Variants in CNTN5 observed in about 807,000 individuals in gnomAD.
CNTN5 encodes contactin 5.
Under a neutral mutation model 129.1 loss-of-function variants are expected in CNTN5, and 77 were observed. That is an observed-to-expected ratio of 0.60 (90% CI 0.50 to 0.72). The LOEUF is 0.72. CNTN5 is among the 30% of genes least tolerant of loss of function. The pLI is 0.00. For missense variants in CNTN5, 1,478 were observed against 1,328.8 expected, an observed-to-expected ratio of 1.11 and a Z score of -1.75; for synonymous variants, 509 against 465.6, an observed-to-expected ratio of 1.09 and a Z score of -1.20.
intron 2 of CNTN5, among the ~76,000 whole-genome samples, chr11:99,493,646 G>A (rs1052536354): frequency 6.6e-6 from 1 of 152,310 alleles, no homozygotes; most frequent in East Asian, 1.9e-4. Flanking sequence ...AATATGATAT[G>A]AGTAAAATTA....
At chr11:99,128,557 G>A (rs12277406) in intron 1 of CNTN5, among the ~76,000 whole-genome samples, 18,211 of 152,150 alleles carry the variant, frequency 0.12, 1,207 homozygotes, top group Non-Finnish European at 0.16. Context: ...AATCTTTCCC[G>A]TCTGCTGGCC....
At chr11:99,164,135 G>A (rs1385520219) in intron 1 of CNTN5, among the ~76,000 whole-genome samples, 1 of 151,976 alleles carries the variant, frequency 6.6e-6, no homozygotes, top group Admixed American at 6.6e-5. Flanking sequence ...AGACCAGCCT[G>A]GCCAACATGG....
chr11:100,271,554 C>CA (rs1156947976), intron 18 of CNTN5, among the ~76,000 whole-genome samples: 3 of 151,852 alleles, frequency 2.0e-5, no homozygotes, highest in African/African-American at 7.2e-5. Context: ...TTCAATATAG[C>CA]ATACACTTAA....
intron 2 of CNTN5, among the ~76,000 whole-genome samples, chr11:99,541,094 A>G (rs1948089917): frequency 6.6e-6 from 1 of 152,148 alleles, no homozygotes; most frequent in African/African-American, 2.4e-5. Context: ...ACCCTATATG[A>G]AGAATCGTAA....
intron 21 of CNTN5, among the ~76,000 whole-genome samples, chr11:100,312,857 AAGAT>A (rs1307385356): frequency 2.0e-5 from 3 of 152,184 alleles, no homozygotes; most frequent in Middle Eastern, 3.4e-3. Flanking sequence ...GAACATCAAT[AAGAT>A]AGATAAGGTT....
intron 9 of CNTN5, among the ~76,000 whole-genome samples, chr11:100,044,271 A>G (rs533097055): frequency 2.0e-5 from 3 of 152,062 alleles, no homozygotes; most frequent in Non-Finnish European, 4.4e-5. Context: ...GTTATTGTCA[A>G]CAGTCCCGTG....
chr11:99,071,183 A>G (rs1215539943), intron 1 of CNTN5, among the ~76,000 whole-genome samples: 1 of 152,188 alleles, frequency 6.6e-6, no homozygotes, highest in African/African-American at 2.4e-5. Flanking sequence ...AGGCTCAAAG[A>G]ACATAAAATA....
chr11:99,467,362 A>G (rs1269293420), intron 2 of CNTN5, among the ~76,000 whole-genome samples: 1 of 152,094 alleles, frequency 6.6e-6, no homozygotes, highest in Non-Finnish European at 1.5e-5. Context: ...TTTGGAATTT[A>G]CCCTTATACA....
intron 13 of CNTN5, among the ~76,000 whole-genome samples, chr11:100,168,075 C>T (rs1190672591): frequency 1.3e-5 from 2 of 151,772 alleles, no homozygotes; most frequent in East Asian, 3.9e-4. Context: ...TAAAGTTTGA[C>T]AGAGGTGAGG....
intron 6 of CNTN5, among the ~76,000 whole-genome samples, chr11:99,898,053 ACCT>A (rs1402153656): frequency 6.6e-6 from 1 of 152,076 alleles, no homozygotes; most frequent in Non-Finnish European, 1.5e-5. Context: ...AACATACAAA[ACCT>A]CCTGAATACA....
chr11:99,037,576 CTTTTTTTTTT>C (rs1161467398), intron 1 of CNTN5, among the ~76,000 whole-genome samples: 1 of 105,670 alleles, frequency 9.5e-6, no homozygotes, highest in East Asian at 2.7e-4. Context: ...TTTTTCTTTT[CTTTTTTTTTT>C]TTTTTTTTTT....
At chr11:99,720,128 C>G (rs1384202283) in intron 3 of CNTN5, among the ~76,000 whole-genome samples, 1 of 152,098 alleles carries the variant, frequency 6.6e-6, no homozygotes, top group East Asian at 1.9e-4. Flanking sequence ...ACTATAGAAA[C>G]TATTTCAAAA....
intron 6 of CNTN5, among the ~76,000 whole-genome samples, chr11:99,912,400 A>G (rs191788353): frequency 1.3e-5 from 2 of 152,148 alleles, no homozygotes; most frequent in East Asian, 1.9e-4. Context: ...CCTGTGAGCT[A>G]TGAAAAGTTG....
intron 6 of CNTN5, among the ~76,000 whole-genome samples, chr11:99,897,101 C>A (rs1259402835): frequency 9.2e-5 from 14 of 151,858 alleles, no homozygotes; most frequent in African/African-American, 3.4e-4. Context: ...CTAGCCCAGT[C>A]AGTTGCAAAT....
chr11:100,156,213 C>T (rs969430698), intron 13 of CNTN5, among the ~76,000 whole-genome samples: 3 of 151,866 alleles, frequency 2.0e-5, no homozygotes, highest in Admixed American at 6.6e-5. Context: ...TAGCATGAAG[C>T]GGTGTTGAAT....
chr11:99,967,392 A>T lies in CNTN5; in HGVS notation c.877+10383A>T, dbSNP rs149803537. 1.1e-3 allele frequency among the ~76,000 whole-genome samples: 168 copies of T among 152,256 alleles called. 2 individuals carry two copies. Among genetic ancestry groups the T allele is most frequent in the African/African-American group, 3.7e-3 (154 of 41,566 alleles). On this transcript the variant is annotated intron_variant, in intron 8 of 24. Transcript: ENST00000524871. ...TCAGGTATTTTGTTAGGTACAGGGG[A>T]TACAATGGAGGGTGAAGCAAACGTA...
At chr11:99,999,413 T>C (rs1210312145) in intron 8 of CNTN5, among the ~76,000 whole-genome samples, 1 of 152,170 alleles carries the variant, frequency 6.6e-6, no homozygotes, top group African/African-American at 2.4e-5. Context: ...AAAATGCTCA[T>C]CATCACTGGC....
chr11:99,821,052 C>T (rs568929288), intron 4 of CNTN5, among the ~76,000 whole-genome samples: 179 of 152,290 alleles, frequency 1.2e-3, no homozygotes, highest in Non-Finnish European at 2.2e-3. Context: ...AAAGTACTTA[C>T]ATTTAATATA....
At chr11:99,912,928 A>G (rs1040070780) in intron 6 of CNTN5, among the ~76,000 whole-genome samples, 21 of 151,994 alleles carry the variant, frequency 1.4e-4, no homozygotes, top group African/African-American at 5.1e-4. Context: ...TCGTATTGTG[A>G]TTTTTATTTT....
Sources: gnomAD v4.1 joint callset for allele counts (sites outside exome capture counted in the v4.1 genomes callset) on GRCh38, gnomAD v4.1.1 for gene constraint, MANE v1.5 for transcripts, NCBI Gene and HGNC (gene_info 2026-07-23, HGNC 2026-07-21) for gene names.